The following CCNB3 variants were observed in gnomAD, a reference collection of about 807,000 sequenced individuals.
The protein encoded by CCNB3 is cyclin B3.
A neutral mutation model predicts 68.0 loss-of-function variants in CCNB3; 12 were observed. That is an observed-to-expected ratio of 0.18 (90% CI 0.11 to 0.29). The LOEUF is 0.29. CCNB3 is among the 10% of genes least tolerant of loss of function. The pLI, the probability that CCNB3 is intolerant of heterozygous loss-of-function variation, is 1.00. For missense variants in CCNB3, 904 were observed against 993.1 expected, an observed-to-expected ratio of 0.91 and a Z score of 1.21; for synonymous variants, 354 against 388.9, an observed-to-expected ratio of 0.91 and a Z score of 1.06.
At position 50,308,873 on chromosome X, in the gene CCNB3, T is replaced by C; in HGVS notation, c.704T>C (p.Met235Thr). Residue 235 changes from methionine to threonine, a missense_variant, in exon 6 of 13, where the codon ATG becomes ACG. Met to Thr is a moderately conservative substitution (Grantham distance 81, BLOSUM62 -1). Around this residue, in one of 2 missense-constraint regions of CCNB3, gnomAD observed 619 missense variants for 609.8 expected, o/e 1.02. Transcript: ENST00000376042. ...TKKTLSLKKK[M>T]CASQRKQSCQ... ...AAGACATTATCCTTAAAGAAGAAGA[T>C]GTGTGCAAGTCAGCGGAAGCAGTCC... 8.3e-7 allele frequency: 1 copy of C among 1,210,262 alleles called. No individual in the cohort carries two copies.
At chrX:50,345,783 C>T (rs1354198875) in intron 9 of CCNB3, among the ~76,000 whole-genome samples, 1 of 111,730 alleles carries the variant, frequency 9.0e-6, no homozygotes, top group Non-Finnish European at 1.9e-5. Flanking sequence ...GAGAGAGGTT[C>T]CTGCCCTGGT....
intron 11 of CCNB3, among the ~76,000 whole-genome samples, chrX:50,349,283 T>C (rs1343713668): frequency 9.0e-6 from 1 of 111,723 alleles, no homozygotes; most frequent in Non-Finnish European, 1.9e-5. Flanking sequence ...ACAGAGAATA[T>C]GGTAAAAGGA....
At chrX:50,206,812 G>A (rs1479977510) in intron 1 of CCNB3, among the ~76,000 whole-genome samples, 1 of 110,406 alleles carries the variant, frequency 9.1e-6, no homozygotes, top group Non-Finnish European at 1.9e-5. Flanking sequence ...CAGTTACTCC[G>A]GAGGCTGAGG....
chrX:50,281,278 G>A (rs1936131804), intron 1 of CCNB3, among the ~76,000 whole-genome samples: 1 of 111,535 alleles, frequency 9.0e-6, no homozygotes, highest in African/African-American at 3.3e-5. Context: ...ACTTCATGAC[G>A]GCTGTAGTTT....
At chrX:50,280,372 ATGTT>A (rs1345019224) in intron 1 of CCNB3, among the ~76,000 whole-genome samples, 1 of 106,636 alleles carries the variant, frequency 9.4e-6, no homozygotes, top group Admixed American at 1.1e-4. Flanking sequence ...TGATTAATAA[ATGTT>A]TGTTAAACAA....
intron 1 of CCNB3, among the ~76,000 whole-genome samples, chrX:50,213,885 G>A (rs1288781882): frequency 9.0e-6 from 1 of 111,101 alleles, no homozygotes; most frequent in African/African-American, 3.3e-5. Context: ...TTTTATTGAG[G>A]TATAATTGAT....
chrX:50,217,433 C>T (rs1236422909), intron 1 of CCNB3, among the ~76,000 whole-genome samples: 2 of 108,858 alleles, frequency 1.8e-5, no homozygotes, highest in Non-Finnish European at 3.8e-5. Flanking sequence ...CCACCACGTC[C>T]GGCTAATTTT....
chrX:50,347,248 T>G (rs1602254235), intron 10 of CCNB3, among the ~76,000 whole-genome samples: 1 of 110,385 alleles, frequency 9.1e-6, no homozygotes, highest in Non-Finnish European at 1.9e-5. Flanking sequence ...TAAGTTTAAA[T>G]AAGAAAAGGG....
chrX:50,298,368 T>C (rs1373134470), intron 5 of CCNB3, among the ~76,000 whole-genome samples: 1 of 111,721 alleles, frequency 9.0e-6, no homozygotes, highest in Non-Finnish European at 1.9e-5. Flanking sequence ...TCAAAGGCCT[T>C]TTCTGCATCT....
chrX:50,226,199 A>AGAATATATATATTTATATATAT (rs1935770301), intron 1 of CCNB3, among the ~76,000 whole-genome samples: 2 of 66,903 alleles, frequency 3.0e-5, no homozygotes, highest in Non-Finnish European at 4.8e-5. Flanking sequence ...AAATATATAT[A>AGAATATATATATTTATATATAT]GAATATATAT....
intron 8 of CCNB3, among the ~76,000 whole-genome samples, chrX:50,341,500 T>TA (rs1923139864): frequency 1.1e-5 from 1 of 91,368 alleles, no homozygotes; most frequent in Admixed American, 1.2e-4. Flanking sequence ...AAAGAAATAA[T>TA]AAAGACGATG....
At chrX:50,339,293 C>T (rs1354353167) in intron 8 of CCNB3, among the ~76,000 whole-genome samples, 3 of 111,843 alleles carry the variant, frequency 2.7e-5, no homozygotes, top group African/African-American at 3.2e-5. Flanking sequence ...TGGGACAACT[C>T]GAAGTGGGGA....
Position 50,227,210 on chromosome X carries a change from A to AATATATACAGAATATATATATAAATAT in CCNB3, c.-113+22293_-113+22319dup, listed in dbSNP as rs1305354846. 1.7e-3 allele frequency among the ~76,000 whole-genome samples: 138 copies of AATATATACAGAATATATATATAAATAT among 82,293 alleles called. 4 individuals are homozygous for AATATATACAGAATATATATATAAATAT. The East Asian group carries it at 0.023, about 14-fold the overall frequency. The allele number at this position is 82,293 out of a possible 115,157, so 71.5% of individuals were successfully genotyped here. A position where few individuals can be genotyped will look rare whatever the true frequency, so the allele number is the denominator to read the frequency against. ...TAAATATATATAGAGAATATATATAAATATATACAGAATATATATATAAAT... is the reference window on the plus strand; with the variant it reads ...TAAATATATATAGAGAATATATATAAATATATACAGAATATATATATAAATATATATATACAGAATATATATATAAAT... On this transcript the variant is annotated intron_variant, in intron 1 of 12. Transcript: ENST00000376042.
chrX:50,294,216 C>A (rs1358771015), intron 4 of CCNB3, among the ~76,000 whole-genome samples: 1 of 111,449 alleles, frequency 9.0e-6, no homozygotes, highest in Non-Finnish European at 1.9e-5. Flanking sequence ...GCTGGGACTG[C>A]AGGCAAGAGC....
chrX:50,349,671 C>T (rs1291292631), intron 11 of CCNB3, among the ~76,000 whole-genome samples: 1 of 112,047 alleles, frequency 8.9e-6, no homozygotes, highest in Non-Finnish European at 1.9e-5. Context: ...ACGCCAATGA[C>T]GGCCCTTTGC....
At chrX:50,225,709 TG>T (rs1356846131) in intron 1 of CCNB3, among the ~76,000 whole-genome samples, 1 of 109,350 alleles carries the variant, frequency 9.1e-6, no homozygotes, top group Admixed American at 1.0e-4. Context: ...CCCAGCTTTC[TG>T]GCTTCAATAA....
At chrX:50,209,923 C>T (rs1335010163) in intron 1 of CCNB3, among the ~76,000 whole-genome samples, 10 of 111,366 alleles carry the variant, frequency 9.0e-5, no homozygotes, top group African/African-American at 3.3e-4. Flanking sequence ...CTTTTCTCTT[C>T]TTTTTCTAGT....
At chrX:50,228,239 GA>G (rs1297526526) in intron 1 of CCNB3, among the ~76,000 whole-genome samples, 1 of 83,455 alleles carries the variant, frequency 1.2e-5, no homozygotes, top group Non-Finnish European at 2.1e-5. Context: ...TACATACATA[GA>G]ATATATATAA....
intron 8 of CCNB3, among the ~76,000 whole-genome samples, chrX:50,324,571 A>T (rs1339690527): frequency 8.9e-6 from 1 of 112,250 alleles, no homozygotes; most frequent in Non-Finnish European, 1.9e-5. Flanking sequence ...TTTTCAAAGA[A>T]CCAGCTCATG....
Sources: allele counts gnomAD v4.1 joint callset (sites outside exome capture counted in the v4.1 genomes callset), GRCh38; gene constraint gnomAD v4.1.1; regional missense constraint gnomAD v4.1.1; transcripts MANE v1.5; gene names NCBI Gene and HGNC (gene_info 2026-07-23, HGNC 2026-07-21).